The following RIPOR1 variants were observed in gnomAD, a reference collection of about 807,000 sequenced individuals.
The protein encoded by RIPOR1 is rho family-interacting cell polarization regulator 1.
Under a neutral mutation model 116.5 loss-of-function variants are expected in RIPOR1, and 58 were observed. The observed-to-expected ratio is 0.50, with a 90% CI of 0.40 to 0.62. RIPOR1 has a LOEUF of 0.62. Among genes scored for constraint, RIPOR1 ranks in the 20% least tolerant of loss-of-function variants. RIPOR1 has a pLI of 0.00. For synonymous variants in RIPOR1, 605 were observed against 650.0 expected (o/e 0.93, Z 1.05); for missense variants, 1,372 against 1,586.2 (o/e 0.86, Z 2.29).
upstream of RIPOR1, among the ~76,000 whole-genome samples, chr16:67,526,717 A>G (rs2050542680): frequency 1.3e-5 from 2 of 152,220 alleles, no homozygotes; most frequent in Admixed American, 6.5e-5. Context: ...TGGTGTGCAC[A>G]CTGCTGCCTG....
chr16:67,522,557 G>A (rs1027195476), intron 1 of RIPOR1, among the ~76,000 whole-genome samples: 1 of 151,868 alleles, frequency 6.6e-6, no homozygotes, highest in Non-Finnish European at 1.5e-5. Context: ...GGATGGTCTC[G>A]ATCTCTTGAC....
Position 67,545,590 on chromosome 16 carries a change from C to A in RIPOR1, c.3190+56C>A. 6.3e-7 allele frequency: 1 copy of A among 1,596,468 alleles called. No homozygotes were observed. The highest frequency in any genetic ancestry group is 1.7e-5 in the Admixed American group (1 of 58,548). ...CTCTTGGGGTCTGAGGACATGAGGA[C>A]AAGCCCTCCCCAACCTCGGGGGCTC... On this transcript the variant is annotated intron_variant, in intron 18 of 21. Transcript: ENST00000042381. The surrounding 1 kb of genome is among the most constrained non-coding windows in gnomAD (Gnocchi z 4.8).
chr16:67,531,560 T>C lies in RIPOR1; in HGVS notation c.-24+2646T>C, dbSNP rs1476321261. The C allele has an allele frequency of 6.7e-6, 3 of 448,826 alleles. No homozygotes were observed. The highest frequency in any genetic ancestry group is 9.0e-6 in the Non-Finnish European group (2 of 223,400). 27.8% of individuals were successfully genotyped at this position (448,826 alleles called of 1,614,324 possible). ...GTAGACTTGAGGAAGGAGAGGGACT[T>C]GGGGCTGAGTAGTGGGAAGAAGGAA... On this transcript the variant is annotated intron_variant, in intron 1 of 21. Transcript: ENST00000042381. The surrounding 1 kb of genome is among the most constrained non-coding windows in gnomAD (Gnocchi z 4.2).
rs1597657174 is a variant in RIPOR1, at chr16:67,544,900, A to G, written c.2870-56A>G. ...CCTACCTCAGCCTACTGCCATCTGC[A>G]TGCTCTCTACTCACCTGCCTGCCTG... On this transcript the variant is annotated intron_variant, in intron 16 of 21. Coordinates refer to ENST00000042381, the MANE Select transcript of RIPOR1 (RefSeq NM_024519.4). The surrounding 1 kb of genome is among the most constrained non-coding windows in gnomAD (Gnocchi z 5.1). The G allele has an allele frequency of 6.2e-7, 1 of 1,602,552 alleles. No individual in the cohort carries two copies. The highest frequency in any genetic ancestry group is 2.2e-5 in the East Asian group (1 of 44,608).
chr16:67,521,335 G>C (rs1233118306), intron 1 of RIPOR1, among the ~76,000 whole-genome samples: 1 of 152,170 alleles, frequency 6.6e-6, no homozygotes, highest in Non-Finnish European at 1.5e-5. Flanking sequence ...GTCATCCGAT[G>C]GGACGGGGGA....
chr16:67,526,436 A>G (rs2050540577), upstream of RIPOR1, among the ~76,000 whole-genome samples: 1 of 151,892 alleles, frequency 6.6e-6, no homozygotes, highest in African/African-American at 2.4e-5. Context: ...TATCTTCTGG[A>G]GTGGGTGGGC....
Position 67,545,093 on chromosome 16 carries a change from C to A in RIPOR1, c.3007C>A (p.Arg1003Ser), listed in dbSNP as rs149818626. 4 of 1,613,080 alleles carry A rather than the reference C, an allele frequency of 2.5e-6. No homozygotes were observed. The South Asian group carries it at 3.3e-5, about 13-fold the overall frequency. The stretch of plus-strand genomic sequence containing the variant: ...CCAGTATGGTGCCCGCCTCTCCCTG[C>A]GCCAGCCAGGCTTGGCTGAGGCTGG... ...CNQYGARLSL[R>S]QPGLAEAVCV... The change falls in exon 17 of 22, where the codon CGC (arginine) becomes AGC (serine). Residue 1003 changes from arginine (R) to serine (S), a missense_variant. Transcript: ENST00000042381. This position sits in a 1 kb window ranked among gnomAD's most constrained non-coding sequence, Gnocchi z 4.8.
chr16:67,525,034 T>C (rs143673556), upstream of RIPOR1, among the ~76,000 whole-genome samples: 490 of 152,318 alleles, frequency 3.2e-3, 3 homozygotes, highest in Non-Finnish European at 5.4e-3. Context: ...TTTGCTCTGG[T>C]TCAGCAAAAG....
chr16:67,537,586 C>G lies in RIPOR1; in HGVS notation c.-23-838C>G. Reference sequence around the variant, plus strand: ...GGCCGTCCCGGACCCACCATGAACACCAAGAAGAGAGGTAGGACCCAGCTC... The same window carrying G: ...GGCCGTCCCGGACCCACCATGAACAGCAAGAAGAGAGGTAGGACCCAGCTC... On this transcript the variant is annotated intron_variant, in intron 1 of 21. Coordinates refer to ENST00000042381, the MANE Select transcript of RIPOR1 (RefSeq NM_024519.4). This position sits in a 1 kb window ranked among gnomAD's most constrained non-coding sequence, Gnocchi z 4.6. The G allele has an allele frequency of 2.1e-6, 3 of 1,422,366 alleles. No individual in the cohort carries two copies. Among genetic ancestry groups the G allele is most frequent in the Non-Finnish European group, 2.8e-6 (3 of 1,087,284 alleles). The allele number at this position is 1,422,366 out of a possible 1,614,324, so 88.1% of individuals were successfully genotyped here.
chr16:67,518,389 T>C (rs932765815), upstream of RIPOR1: 2 of 152,432 alleles, frequency 1.3e-5, no homozygotes, highest in African/African-American at 4.8e-5. Flanking sequence ...CCCAGCCCTG[T>C]TGAAGAAGGA....
At position 67,542,997 on chromosome 16, in the gene RIPOR1, C is replaced by T; in HGVS notation, c.2211C>T (p.Leu737=). ...PSPAHSSRKP[L]TSPAPDPSES... ...CTGCCCATTCCAGTAGGAAACCCCTCACAAGCCCTGCCCCAGATCCCTCAG... is the reference window on the plus strand; with the variant it reads ...CTGCCCATTCCAGTAGGAAACCCCTTACAAGCCCTGCCCCAGATCCCTCAG... The change falls in exon 13 of 22, where the codon CTC becomes CTT. Residue 737 remains leucine, a synonymous_variant. Transcript: ENST00000042381. This position sits in a 1 kb window ranked among gnomAD's most constrained non-coding sequence, Gnocchi z 4.6. The T allele has an allele frequency of 6.4e-7, 1 of 1,568,748 alleles. No homozygotes were observed. The highest frequency in any genetic ancestry group is 8.6e-7 in the Non-Finnish European group (1 of 1,157,914).
intron 21 of RIPOR1, 59 bp from the exon 22 acceptor site, chr16:67,546,307 G>A (rs1245573772): frequency 6.2e-7 from 1 of 1,607,888 alleles, no homozygotes; most frequent in Non-Finnish European, 8.5e-7. Flanking sequence ...GATGGCGCCA[G>A]GGGTGGGAGA....
chr16:67,533,974 A>ATTT (rs767462361), intron 1 of RIPOR1, among the ~76,000 whole-genome samples: 18 of 123,398 alleles, frequency 1.5e-4, no homozygotes, highest in African/African-American at 2.3e-4. Context: ...CGCCCGGCTA[A>ATTT]TTTTTTTTTT....
chr16:67,534,993 C>A (rs539585758), intron 1 of RIPOR1, among the ~76,000 whole-genome samples: 1 of 151,870 alleles, frequency 6.6e-6, no homozygotes, highest in Non-Finnish European at 1.5e-5. Context: ...CAGGCGTGCA[C>A]GACCAAGCCC....
intron 1 of RIPOR1, among the ~76,000 whole-genome samples, chr16:67,535,417 G>C (rs952993581): frequency 6.6e-6 from 1 of 152,206 alleles, no homozygotes; most frequent in Non-Finnish European, 1.5e-5. Context: ...AGAGAGGTGC[G>C]CAGTGCTGAG....
rs1407635241 is a variant in RIPOR1, at chr16:67,520,427, GAAGAGAAGAT to G, written c.-24+1824_-24+1833del. Among the ~76,000 whole-genome samples the G allele has an allele frequency of 7.7e-4, 116 of 150,176 alleles. 2 individuals carry two copies. The highest frequency in any genetic ancestry group is 2.5e-3 in the African/African-American group (100 of 40,296). On this transcript the variant is annotated intron_variant, in intron 1 of 1. Coordinates refer to the RIPOR1 transcript ENST00000562116. The stretch of plus-strand genomic sequence containing the variant: ...AAGGAAGGAAGGGATGGAAAAGAGA[GAAGAGAAGAT>G]AAGAGAAGAGAAGAGAAGAGAAGAG...
Position 67,531,852 on chromosome 16 carries a change from G to C in RIPOR1, c.-24+2938G>C, listed in dbSNP as rs1391699622. ...TTAGAGTCCTGGGGTCAGACAGCCTGGGTTTGAATCATGGTCTTGACACTT... is the reference window on the plus strand; with the variant it reads ...TTAGAGTCCTGGGGTCAGACAGCCTCGGTTTGAATCATGGTCTTGACACTT... On this transcript the variant is annotated intron_variant, in intron 1 of 21. Coordinates refer to ENST00000042381, the MANE Select transcript of RIPOR1 (RefSeq NM_024519.4). This position sits in a 1 kb window ranked among gnomAD's most constrained non-coding sequence, Gnocchi z 4.2. Among the ~76,000 whole-genome samples, 1 of 152,152 alleles carries C rather than the reference G, an allele frequency of 6.6e-6. No homozygotes were observed. Among genetic ancestry groups the C allele is most frequent in the African/African-American group, 2.4e-5 (1 of 41,418 alleles).
chr16:67,519,100 C>T (rs1421289315), intron 1 of RIPOR1, among the ~76,000 whole-genome samples: 1 of 152,174 alleles, frequency 6.6e-6, no homozygotes, highest in Non-Finnish European at 1.5e-5. Context: ...GCCTGGACAA[C>T]ACGATGAAAC....
Position 67,542,663 on chromosome 16 carries a change from C to CT in RIPOR1, c.1877_1878insT (p.Thr627HisfsTer76). 1 of 1,613,624 alleles carries CT rather than the reference C, an allele frequency of 6.2e-7. No individual in the cohort carries two copies. Among genetic ancestry groups the CT allele is most frequent in the Non-Finnish European group, 8.5e-7 (1 of 1,179,846 alleles). On this transcript the variant is annotated frameshift_variant, in exon 13 of 22. Transcript: ENST00000042381. LOFTEE classifies it high-confidence loss of function. This position sits in a 1 kb window ranked among gnomAD's most constrained non-coding sequence, Gnocchi z 4.6. ...ACTTCCACAAGCCCCACCCATACCCCCACAAGTCCCACCCACAAAACCAGT... is the reference window on the plus strand; with the variant it reads ...ACTTCCACAAGCCCCACCCATACCCCTCACAAGTCCCACCCACAAAACCAGT...
Sources: allele counts gnomAD v4.1 joint callset (sites outside exome capture counted in the v4.1 genomes callset), GRCh38; gene constraint gnomAD v4.1.1; non-coding constraint Gnocchi (gnomAD v3.1); transcripts MANE v1.5; gene names NCBI Gene and HGNC (gene_info 2026-07-23, HGNC 2026-07-21).